Variants in SF3A2 observed in about 807,000 individuals in gnomAD.
SF3A2 encodes the protein SAP 62.
In SF3A2, 5 loss-of-function variants were observed where a neutral mutation model predicts 31.1. The ratio of observed to expected loss-of-function variants is 0.16; its 90% confidence interval spans 0.08 to 0.34. The LOEUF (loss-of-function observed/expected upper bound fraction) is 0.34. Among genes scored for constraint, SF3A2 ranks in the 10% least tolerant of loss-of-function variants. SF3A2 has a pLI of 1.00. For synonymous variants in SF3A2, 365 were observed against 263.7 expected, an observed-to-expected ratio of 1.38 and a Z score of -3.72; for missense variants, 577 against 643.9, an observed-to-expected ratio of 0.90 and a Z score of 1.13.
rs775679716 is a variant in SF3A2 at position 2,246,899 on chromosome 19, C to T, written c.423C>T (p.Ile141=). 10 of 1,609,670 alleles carry T rather than the reference C, an allele frequency of 6.2e-6. No individual in the cohort carries two copies. Among genetic ancestry groups the T allele is most frequent in the East Asian group, 2.2e-5 (1 of 44,808 alleles). Residue 141 remains isoleucine, a synonymous_variant, in exon 7 of 9, where the codon ATC becomes ATT. Coordinates refer to ENST00000221494, the MANE Select transcript of SF3A2 (RefSeq NM_007165.5). The surrounding 1 kb of genome is among the most constrained non-coding windows in gnomAD (Gnocchi z 5.5). The part of the protein sequence containing the change: ...SLLFQIDYPE[I]AEGIMPRHRF... ...CCCTGCAGATTGACTACCCTGAGAT[C>T]GCCGAGGGCATCATGCCACGTCACC... is the stretch of plus-strand genomic sequence containing the variant.
Position 2,245,155 on chromosome 19 carries a change from T to C in SF3A2, c.246-291T>C. On this transcript the variant is annotated intron_variant, in intron 4 of 8. Coordinates refer to ENST00000221494, the MANE Select transcript of SF3A2 (RefSeq NM_007165.5). The surrounding 1 kb of genome is among the most constrained non-coding windows in gnomAD (Gnocchi z 4.2). ...ACCAAGGTGCTGCCACTGTACTCCA[T>C]CCTGGGCGACAGAGTGAGACTCTTG... The C allele has an allele frequency of 8.2e-6, 4 of 485,030 alleles. No homozygotes were observed. Among genetic ancestry groups the C allele is most frequent in the Non-Finnish European group, 1.5e-5 (4 of 274,558 alleles). The allele number at this position is 485,030 out of a possible 1,614,324, so 30.0% of individuals were successfully genotyped here.
chr19:2,242,898 T>G (rs1222346655), intron 1 of SF3A2, among the ~76,000 whole-genome samples: 2 of 151,964 alleles, frequency 1.3e-5, no homozygotes, highest in African/African-American at 2.4e-5. Context: ...CCTAACAAAT[T>G]TACATCGAGC....
chr19:2,241,132 G>A (rs1173423121), intron 1 of SF3A2, among the ~76,000 whole-genome samples: 5 of 152,186 alleles, frequency 3.3e-5, no homozygotes, highest in African/African-American at 9.7e-5. Context: ...CAGGGCGTTC[G>A]CATGCTGTTG....
rs568891824 is a variant in SF3A2, at chr19:2,245,105, A to T, written c.245+326A>T. 7.7e-4 allele frequency: 384 copies of T among 497,160 alleles called. No individual in the cohort carries two copies. The highest frequency in any genetic ancestry group is 6.6e-3 in the African/African-American group (343 of 51,668). The allele number at this position is 497,160 out of a possible 1,614,324, so 30.8% of individuals were successfully genotyped here. On this transcript the variant is annotated intron_variant, in intron 4 of 8. Coordinates refer to ENST00000221494, the MANE Select transcript of SF3A2 (RefSeq NM_007165.5). This position sits in a 1 kb window ranked among gnomAD's most constrained non-coding sequence, Gnocchi z 4.2. The stretch of plus-strand genomic sequence containing the variant: ...GGAGGCTGAGGCAGGAGAATCTTGA[A>T]TCTGGGAGGCAGAGATTGCAGTGAA...
intron 2 of SF3A2, 98 bp downstream of exon 2, chr19:2,243,642 G>A (rs2024908780): frequency 7.5e-7 from 1 of 1,336,722 alleles, no homozygotes; most frequent in Non-Finnish European, 9.7e-7. Context: ...CTCCGCCCAG[G>A]CTGGGCGATG....
chr19:2,246,956 G>A lies in SF3A2; in HGVS notation c.480G>A (p.Glu160=). 2 of 1,608,456 alleles carry A rather than the reference G, an allele frequency of 1.2e-6. No individual in the cohort carries two copies. Among genetic ancestry groups the A allele is most frequent in the African/African-American group, 1.3e-5 (1 of 74,746 alleles). Residue 160 remains glutamate (E), a synonymous_variant, in exon 7 of 9, where the codon GAG becomes GAA. Transcript: ENST00000221494. The surrounding 1 kb of genome is among the most constrained non-coding windows in gnomAD (Gnocchi z 5.5). The part of the protein sequence containing the change: ...RFMSAYEQRI[E]PPDRRWQYLL... ...TGTCTGCGTACGAGCAGAGGATCGA[G>A]CCTCCGGACCGGCGCTGGCAGTACC...
rs1034169765 is a variant in SF3A2, at chr19:2,246,090, G to A, written c.355+535G>A. ...CCAGCAAGTGTTCTTTACAGAAGGC[G>A]GGGACAGCCTGTGTGCCTGGCCTCC... On this transcript the variant is annotated intron_variant, in intron 5 of 8. Coordinates refer to ENST00000221494, the MANE Select transcript of SF3A2 (RefSeq NM_007165.5). This position sits in a 1 kb window ranked among gnomAD's most constrained non-coding sequence, Gnocchi z 5.5. Among the ~76,000 whole-genome samples the A allele has an allele frequency of 3.3e-5, 5 of 152,200 alleles. No individual in the cohort carries two copies. Among genetic ancestry groups the A allele is most frequent in the African/African-American group, 1.2e-4 (5 of 41,452 alleles).
chr19:2,242,709 C>G (rs567072865), intron 1 of SF3A2, among the ~76,000 whole-genome samples: 3 of 152,296 alleles, frequency 2.0e-5, no homozygotes, highest in African/African-American at 7.2e-5. Flanking sequence ...TGAGAGGAGG[C>G]TGCCTGGAAC....
chr19:2,248,538 A>C lies in SF3A2; in HGVS notation c.1387A>C (p.Thr463Pro). Residue 463 changes from threonine (T) to proline (P), a missense_variant, in exon 9 of 9, where the codon ACC becomes CCC. By Grantham distance (38) the Thr-to-Pro change is conservative. Coordinates refer to ENST00000221494, the MANE Select transcript of SF3A2 (RefSeq NM_007165.5). ...AGGGAACATACCTCCCCCTCCCCCAACCAACTGAGAAGCTGCTCCCTCCCC... is the reference window on the plus strand; with the variant it reads ...AGGGAACATACCTCCCCCTCCCCCACCCAACTGAGAAGCTGCTCCCTCCCC... ...GPGNIPPPPPTN is the reference protein window; with the variant it reads ...GPGNIPPPPPPN 2.5e-5 allele frequency: 24 copies of C among 945,878 alleles called. No individual in the cohort carries two copies. Among genetic ancestry groups the C allele is most frequent in the Non-Finnish European group, 2.9e-5 (21 of 733,648 alleles). The allele number at this position is 945,878 out of a possible 1,614,324, so 58.6% of individuals were successfully genotyped here.
chr19:2,243,686 C>A, intron 2 of SF3A2, 142 bp downstream of exon 2: 1 of 952,524 alleles, frequency 1.0e-6, no homozygotes, highest in Middle Eastern at 3.3e-4. Context: ...CTGTTGCCCC[C>A]GAGCAGCCAC....
Position 2,247,753 on chromosome 19 carries a change from C to G in SF3A2, c.616-14C>G, listed in dbSNP as rs199965547. 3.7e-6 allele frequency: 6 copies of G among 1,611,034 alleles called. No individual in the cohort carries two copies. The highest frequency in any genetic ancestry group is 5.1e-6 in the Non-Finnish European group (6 of 1,178,702). Reference sequence around the variant, plus strand: ...CCCCACCCGTGCCTGCTGAACCTTTCTCCGTCTCTCTAGTTCTTCCTCCAG... The same window carrying G: ...CCCCACCCGTGCCTGCTGAACCTTTGTCCGTCTCTCTAGTTCTTCCTCCAG... On this transcript the variant is annotated splice_polypyrimidine_tract_variant and intron_variant, in intron 8 of 8. Transcript: ENST00000221494.
At chr19:2,237,701 A>G (rs570117500) in intron 1 of SF3A2, 23 of 152,290 alleles carry the variant, frequency 1.5e-4, no homozygotes, top group African/African-American at 5.5e-4. Flanking sequence ...TATACCTGTT[A>G]GTTGACTGGG....
chr19:2,247,978 G>A lies in SF3A2; in HGVS notation c.827G>A (p.Gly276Glu). The change falls in exon 9 of 9, where the codon GGA (glycine) becomes GAA (glutamate). Residue 276 changes from glycine to glutamate, a missense_variant. Around this residue, in one of 6 missense-constraint regions of SF3A2, gnomAD observed 462 missense variants for 339.1 expected, o/e 1.36. Coordinates refer to ENST00000221494, the MANE Select transcript of SF3A2 (RefSeq NM_007165.5). Reference sequence around the variant, plus strand: ...GGGCCTGCGCCCTCAGGGCCCCCGGGACCACCCCAGCTACCCCCGCCAGCT... The same window carrying A: ...GGGCCTGCGCCCTCAGGGCCCCCGGAACCACCCCAGCTACCCCCGCCAGCT... ...PTGPAPSGPP[G>E]PPQLPPPAPG... 1 of 1,041,644 alleles carries A rather than the reference G, an allele frequency of 9.6e-7. No individual in the cohort carries two copies. Among genetic ancestry groups the A allele is most frequent in the Non-Finnish European group, 1.4e-6 (1 of 694,990 alleles). The allele number at this position is 1,041,644 out of a possible 1,614,324, so 64.5% of individuals were successfully genotyped here.
In SF3A2 at chr19:2,248,237, A is replaced by T. The variant is rs1410103944; in HGVS notation, c.1086A>T (p.Pro362=). 7 of 1,144,790 alleles carry T rather than the reference A, an allele frequency of 6.1e-6. No individual in the cohort carries two copies. Among genetic ancestry groups the T allele is most frequent in the African/African-American group, 2.4e-5 (1 of 40,866 alleles). The allele number at this position is 1,144,790 out of a possible 1,614,324, so 70.9% of individuals were successfully genotyped here. ...PPAPGVHPPA[P]GVHPPPSAGV... ...CCCCTGGGGTTCACCCACCAGCCCC[A>T]GGGGTCCATCCTCCCCCATCAGCGG... is the stretch of plus-strand genomic sequence containing the variant. Residue 362 remains proline (P), a synonymous_variant, in exon 9 of 9, where the codon CCA becomes CCT. Coordinates refer to ENST00000221494, the MANE Select transcript of SF3A2 (RefSeq NM_007165.5).
At chr19:2,244,885 C>A in intron 4 of SF3A2, 106 bp downstream of exon 4, 1 of 1,054,844 alleles carries the variant, frequency 9.5e-7, no homozygotes, top group Non-Finnish European at 1.4e-6. Flanking sequence ...CCAGCCTGGC[C>A]TGAGCCTCCC....
In SF3A2 at chr19:2,247,874, G is replaced by GC; in HGVS notation, c.728dup (p.Arg244SerfsTer6). 1 of 1,559,736 alleles carries GC rather than the reference G, an allele frequency of 6.4e-7. No homozygotes were observed. Among genetic ancestry groups the GC allele is most frequent in the Non-Finnish European group, 8.7e-7 (1 of 1,143,662 alleles). On this transcript the variant is annotated frameshift_variant, in exon 9 of 9. Transcript: ENST00000221494. LOFTEE classifies it low-confidence loss of function (END_TRUNC). Reference sequence around the variant, plus strand: ...CTCCACCCCCGCTGATGAACGGTCTGCCCCCTCGGCCACCGCTGCCTGAGT... The same window carrying GC: ...CTCCACCCCCGCTGATGAACGGTCTGCCCCCCTCGGCCACCGCTGCCTGAGT...
intron 7 of SF3A2, chr19:2,247,245 AG>A: frequency 9.3e-6 from 2 of 214,528 alleles, no homozygotes. Context: ...GGAGGCCGGC[AG>A]GGCTGAGCGC....
At position 2,245,435 on chromosome 19, in the gene SF3A2, C is replaced by T. The variant is rs1015869607; in HGVS notation, c.246-11C>T. On this transcript the variant is annotated splice_polypyrimidine_tract_variant and intron_variant, in intron 4 of 8. Transcript: ENST00000221494. This position sits in a 1 kb window ranked among gnomAD's most constrained non-coding sequence, Gnocchi z 4.2. ...GGAGGGGTCCCAGCAGCACCTCCAT[C>T]CTGTCCGCAGGGCCCGGCGAGCAGC... The T allele has an allele frequency of 6.5e-7, 1 of 1,546,584 alleles. No individual in the cohort carries two copies. Among genetic ancestry groups the T allele is most frequent in the Admixed American group, 2.0e-5 (1 of 50,976 alleles).
At position 2,243,483 on chromosome 19, in the gene SF3A2, G is replaced by A; in HGVS notation, c.65G>A (p.Ser22Asn). 3.2e-6 allele frequency: 5 copies of A among 1,553,046 alleles called. No homozygotes were observed. The highest frequency in any genetic ancestry group is 4.3e-6 in the Non-Finnish European group (5 of 1,157,486). The change falls in exon 2 of 9, where the codon AGC (serine) becomes AAC (asparagine). Residue 22 changes from serine (S) to asparagine (N), a missense_variant. Around this residue, in one of 6 missense-constraint regions of SF3A2, gnomAD observed 40 missense variants for 50.0 expected, o/e 0.80. Coordinates refer to ENST00000221494, the MANE Select transcript of SF3A2 (RefSeq NM_007165.5). ...GGGGGCGTGGCCTCCTCCTCCGAGA[G>A]CAACCGTGACCGCAGGGAGCGCCTC... ...GSGGVASSSE[S>N]NRDRRERLRQ...
Sources: gnomAD v4.1 joint callset for allele counts (sites outside exome capture counted in the v4.1 genomes callset) on GRCh38, gnomAD v4.1.1 for gene constraint, gnomAD v4.1.1 regional missense constraint, Gnocchi (gnomAD v3.1) non-coding constraint, MANE v1.5 for transcripts, NCBI Gene and HGNC (gene_info 2026-07-23, HGNC 2026-07-21) for gene names.